The following SPATA6L variants were observed in gnomAD, a reference collection of about 807,000 sequenced individuals.
SPATA6L encodes spermatogenesis associated 6 like.
A neutral mutation model predicts 49.2 loss-of-function variants in SPATA6L; 68 were observed. That is an observed-to-expected ratio of 1.38 (90% confidence interval 1.14 to 1.69). The LOEUF is 1.69. Among genes scored for constraint, SPATA6L ranks in the 40% most tolerant of loss-of-function variants. SPATA6L has a pLI of 0.00. For missense variants in SPATA6L, 668 were observed against 464.3 expected (o/e 1.44, Z -4.03); for synonymous variants, 198 against 165.7 (o/e 1.19, Z -1.50).
At chr9:4,623,445 G>C (rs1340201277) in intron 6 of SPATA6L, among the ~76,000 whole-genome samples, 3 of 152,166 alleles carry the variant, frequency 2.0e-5, no homozygotes, top group East Asian at 3.9e-4. Context: ...ACAATATAGA[G>C]TTGCTGATTT....
intron 10 of SPATA6L, 57 bp from the exon 11 acceptor site, chr9:4,604,326 A>T (rs1341895821): frequency 1.7e-6 from 2 of 1,162,970 alleles, no homozygotes; most frequent in Middle Eastern, 2.0e-4. Flanking sequence ...GAGATGGATG[A>T]TACCCAGATG....
In SPATA6L at chr9:4,629,248, A is replaced by G. The variant is rs1046167133; in HGVS notation, c.352-80T>C. On this transcript the variant is annotated intron_variant, in intron 4 of 11. Coordinates refer to ENST00000682582, the MANE Select transcript of SPATA6L (RefSeq NM_001353486.2). The stretch of plus-strand genomic sequence containing the variant: ...ATCTCCTTCTAACTTGAAATCATAC[A>G]AGAACCTAACTGCTCTTCTGTGTGG... 7.5e-6 allele frequency: 7 copies of G among 934,762 alleles called. 1 individual carries two copies. Among genetic ancestry groups the G allele is most frequent in the Non-Finnish European group, 1.1e-5 (7 of 609,040 alleles). The allele number at this position is 934,762 out of a possible 1,614,324, so 57.9% of individuals were successfully genotyped here.
At position 4,661,954 on chromosome 9, in the gene SPATA6L, T is replaced by C; in HGVS notation, c.122A>G (p.Asn41Ser). The change falls in exon 2 of 12, where the codon AAC becomes AGC. Residue 41 changes from asparagine (N) to serine (S), a missense_variant. Coordinates refer to ENST00000682582, the MANE Select transcript of SPATA6L (RefSeq NM_001353486.2). ...AATGGGGAACGCAGAGGGAAAGCTG[T>C]TGGTCTCCAGGTACTGATTCATGAG... ...VYLMNQYLET[N>S]SFPSAFPIMI... 1.9e-6 allele frequency: 3 copies of C among 1,614,074 alleles called. No homozygotes were observed. The highest frequency in any genetic ancestry group is 2.2e-5 in the East Asian group (1 of 44,890).
In SPATA6L at chr9:4,626,310, C is replaced by T. The variant is rs1161943910; in HGVS notation, c.430-744G>A. On this transcript the variant is annotated intron_variant, in intron 5 of 11. Transcript: ENST00000682582. ...ACATATCAGCGGCAGCTGACCAGAG[C>T]CCCCTGTTCAGATTTGAGTCTAGAC... is the stretch of plus-strand genomic sequence containing the variant. The T allele has an allele frequency of 1.7e-5, 19 of 1,120,060 alleles. No homozygotes were observed. In the Admixed American group the frequency reaches 2.5e-4, roughly 15 times the overall value. The allele number at this position is 1,120,060 out of a possible 1,614,324, so 69.4% of individuals were successfully genotyped here.
At chr9:4,638,455 C>T (rs191262993) in intron 3 of SPATA6L, among the ~76,000 whole-genome samples, 25 of 152,308 alleles carry the variant, frequency 1.6e-4, no homozygotes, top group African/African-American at 3.4e-4. Flanking sequence ...TCAGGTGGTC[C>T]GCCTGCCTCA....
At position 4,663,213 on chromosome 9, in the gene SPATA6L, C is replaced by G. The variant is rs1840287337; in HGVS notation, c.40-1177G>C. The G allele has an allele frequency of 1.2e-6, 2 of 1,614,104 alleles. No individual in the cohort carries two copies. Among genetic ancestry groups the G allele is most frequent in the Non-Finnish European group, 1.7e-6 (2 of 1,180,022 alleles). On this transcript the variant is annotated intron_variant, in intron 1 of 11. Transcript: ENST00000682582. ...GTACAGCATCGTGGACTATTGCTGGCTCTCACCCCATAATGCTCCGGTCCT... is the reference window on the plus strand; with the variant it reads ...GTACAGCATCGTGGACTATTGCTGGGTCTCACCCCATAATGCTCCGGTCCT...
At position 4,663,463 on chromosome 9, in the gene SPATA6L, C is replaced by CA. The variant is rs1840350474; in HGVS notation, c.40-1428dup. 4 of 548,960 alleles carry CA rather than the reference C, an allele frequency of 7.3e-6. No homozygotes were observed. The South Asian group carries it at 9.4e-5, about 13-fold the overall frequency. The allele number at this position is 548,960 out of a possible 1,614,324, so 34.0% of individuals were successfully genotyped here. On this transcript the variant is annotated intron_variant, in intron 1 of 11. Coordinates refer to ENST00000682582, the MANE Select transcript of SPATA6L (RefSeq NM_001353486.2). ...CTGAACACAGCCATATTAGGGAAAG[C>CA]AAAAAAACCCAAAAAATCCTCTATT... is the stretch of plus-strand genomic sequence containing the variant.
chr9:4,654,480 A>G (rs1837640570), intron 3 of SPATA6L, among the ~76,000 whole-genome samples: 2 of 152,214 alleles, frequency 1.3e-5, no homozygotes. Context: ...TGCCGTCTAT[A>G]GGTGGCTTGT....
At chr9:4,646,109 A>G (rs1416724376) in intron 3 of SPATA6L, among the ~76,000 whole-genome samples, 1 of 145,944 alleles carries the variant, frequency 6.9e-6, no homozygotes, top group Non-Finnish European at 1.5e-5. Flanking sequence ...AACAATGAAA[A>G]TGTCTTAGGG....
chr9:4,659,275 T>C (rs1268341801), intron 2 of SPATA6L, among the ~76,000 whole-genome samples: 3 of 152,204 alleles, frequency 2.0e-5, no homozygotes, highest in Non-Finnish European at 4.4e-5. Flanking sequence ...TTGAAACAGA[T>C]AGGTCACTTT....
chr9:4,642,082 A>G (rs915649504), intron 3 of SPATA6L, among the ~76,000 whole-genome samples: 9 of 152,176 alleles, frequency 5.9e-5, no homozygotes, highest in African/African-American at 1.7e-4. Context: ...TCAAATTGTT[A>G]ATGGTAATTA....
At chr9:4,597,566 A>G (rs549205817), downstream of SPATA6L, among the ~76,000 whole-genome samples, 1 of 152,306 alleles carries the variant, frequency 6.6e-6, no homozygotes, top group Admixed American at 6.5e-5. Context: ...CAAATTCCCT[A>G]TGTGAAATTA....
intron 3 of SPATA6L, among the ~76,000 whole-genome samples, chr9:4,648,125 G>T (rs1368160239): frequency 6.6e-6 from 1 of 152,080 alleles, no homozygotes; most frequent in Non-Finnish European, 1.5e-5. Flanking sequence ...ATAAGCCACT[G>T]TGCCCAGCCA....
intron 3 of SPATA6L, among the ~76,000 whole-genome samples, chr9:4,637,126 T>C (rs958276887): frequency 6.6e-6 from 1 of 152,194 alleles, no homozygotes; most frequent in Non-Finnish European, 1.5e-5. Flanking sequence ...TCTCTCCTAA[T>C]TCATTTATTG....
At chr9:4,659,554 C>T (rs1021323157) in intron 2 of SPATA6L, among the ~76,000 whole-genome samples, 75 of 152,146 alleles carry the variant, frequency 4.9e-4, no homozygotes, top group African/African-American at 1.8e-3. Flanking sequence ...GAAGAAGATT[C>T]CATGCTCATG....
At chr9:4,643,044 G>C (rs1834384898) in intron 3 of SPATA6L, among the ~76,000 whole-genome samples, 1 of 152,168 alleles carries the variant, frequency 6.6e-6, no homozygotes, top group East Asian at 1.9e-4. Flanking sequence ...GTCTGGCTCT[G>C]TGGCCCAGGC....
At chr9:4,648,683 G>C (rs375760237) in intron 3 of SPATA6L, among the ~76,000 whole-genome samples, 27 of 104,470 alleles carry the variant, frequency 2.6e-4, no homozygotes, top group African/African-American at 8.7e-4. Flanking sequence ...CTGGGCGACA[G>C]AGCGAGACCC....
At chr9:4,606,809 G>A (rs975281034) in intron 9 of SPATA6L, among the ~76,000 whole-genome samples, 2 of 148,562 alleles carry the variant, frequency 1.3e-5, no homozygotes, top group South Asian at 4.3e-4. Context: ...ACTTCGACGA[G>A]CTGAGAGAAG....
chr9:4,656,576 T>G (rs1838278703), intron 2 of SPATA6L, among the ~76,000 whole-genome samples: 1 of 152,220 alleles, frequency 6.6e-6, no homozygotes, highest in Non-Finnish European at 1.5e-5. Context: ...ATTTTAGAAT[T>G]CAGCAGATGC....
Sources: gnomAD v4.1 joint callset for allele counts (sites outside exome capture counted in the v4.1 genomes callset) on GRCh38, gnomAD v4.1.1 for gene constraint, MANE v1.5 for transcripts, NCBI Gene and HGNC (gene_info 2026-07-23, HGNC 2026-07-21) for gene names.